PTPRO: variants seen among roughly 807,000 people sequenced by gnomAD.
PTPRO encodes the protein receptor-type tyrosine-protein phosphatase O.
A neutral mutation model predicts 145.2 loss-of-function variants in PTPRO; 62 were observed. That is an observed-to-expected ratio of 0.43 (90% confidence interval 0.35 to 0.53). PTPRO has a LOEUF of 0.53. PTPRO is among the 20% of genes least tolerant of loss of function. The pLI is 0.01. For missense variants in PTPRO, 1,345 were observed against 1,482.7 expected (o/e 0.91, Z 1.53); for synonymous variants, 565 against 514.7 (o/e 1.10, Z -1.32).
At position 15,546,549 on chromosome 12, in the gene PTPRO, A is replaced by G. The variant is rs764863227; in HGVS notation, c.2165-20A>G. ...ACACTTAGTAAATTAAATTTTTTTT[A>G]AAACTTTGTCTTTGCTCAGAACCAG... is the stretch of plus-strand genomic sequence containing the variant. On this transcript the variant is annotated intron_variant, in intron 12 of 26. Coordinates refer to ENST00000281171, the MANE Select transcript of PTPRO (RefSeq NM_030667.3). 1 of 1,564,494 alleles carries G rather than the reference A, an allele frequency of 6.4e-7. No individual in the cohort carries two copies. The highest frequency in any genetic ancestry group is 8.7e-7 in the Non-Finnish European group (1 of 1,153,214).
chr12:15,322,536 C>A lies in PTPRO; in HGVS notation c.-191C>A, dbSNP rs558772504. 3.6e-4 allele frequency: 237 copies of A among 652,894 alleles called. 2 individuals are homozygous for A. The African/African-American group carries it at 4.0e-3, about 11-fold the overall frequency. The allele number at this position is 652,894 out of a possible 1,614,324, so 40.4% of individuals were successfully genotyped here. ...CATTAAAGAACAGCAGCGCCTGGCA[C>A]GTTCTTGGAGGACCCCGGGCGCAGA... On this transcript the variant is annotated 5_prime_UTR_variant, in exon 1 of 27. Transcript: ENST00000281171. This position sits in a 1 kb window ranked among gnomAD's most constrained non-coding sequence, Gnocchi z 6.3.
chr12:15,590,961 A>T lies in PTPRO; in HGVS notation c.3546+1371A>T, dbSNP rs560331386. Among the ~76,000 whole-genome samples, 73 of 152,336 alleles carry T rather than the reference A, an allele frequency of 4.8e-4. 1 individual carries two copies. Among genetic ancestry groups the T allele is most frequent in the African/African-American group, 1.7e-3 (70 of 41,566 alleles). On this transcript the variant is annotated intron_variant, in intron 25 of 26. Coordinates refer to ENST00000281171, the MANE Select transcript of PTPRO (RefSeq NM_030667.3). The stretch of plus-strand genomic sequence containing the variant: ...ATTTGCACCTTGATATGTGATTAAA[A>T]ATCCACGTTATGTATATGAATCACC...
At chr12:15,581,301 T>TC (rs1234444288) in intron 22 of PTPRO, among the ~76,000 whole-genome samples, 13 of 91,202 alleles carry the variant, frequency 1.4e-4, no homozygotes, top group East Asian at 4.0e-4. Context: ...GTGCTTTCTT[T>TC]TTTTTTTTTT....
intron 1 of PTPRO, among the ~76,000 whole-genome samples, chr12:15,408,425 G>A (rs924611372): frequency 2.0e-5 from 3 of 151,178 alleles, no homozygotes; most frequent in Non-Finnish European, 4.4e-5. Context: ...TTTTGTTTTC[G>A]TTGTTGTTGT....
chr12:15,349,424 G>C (rs889907822), intron 1 of PTPRO, among the ~76,000 whole-genome samples: 1 of 152,218 alleles, frequency 6.6e-6, no homozygotes, highest in Non-Finnish European at 1.5e-5. Flanking sequence ...GTTTGCTCCA[G>C]CTGCAAATGG....
chr12:15,583,088 T>G (rs1045601660), intron 23 of PTPRO, among the ~76,000 whole-genome samples: 1 of 152,210 alleles, frequency 6.6e-6, no homozygotes, highest in Non-Finnish European at 1.5e-5. Context: ...TCCTTTCTAA[T>G]AGTTAAGGAA....
chr12:15,459,358 G>T (rs1591830164), intron 1 of PTPRO, among the ~76,000 whole-genome samples: 1 of 152,178 alleles, frequency 6.6e-6, no homozygotes, highest in Non-Finnish European at 1.5e-5. Flanking sequence ...TCTGAGACAG[G>T]TGAGACAGAA....
intron 14 of PTPRO, among the ~76,000 whole-genome samples, chr12:15,550,905 T>C (rs1374568545): frequency 6.6e-6 from 1 of 152,202 alleles, no homozygotes; most frequent in African/African-American, 2.4e-5. Context: ...AGGAGACAAG[T>C]CTTTATATAG....
At position 15,358,652 on chromosome 12, in the gene PTPRO, A is replaced by C. The variant is rs189387297; in HGVS notation, c.75+35851A>C. The stretch of plus-strand genomic sequence containing the variant: ...TGTTACATGAAGTGTCCAAGATCTC[A>C]CAGTAGCTTAAGCAAAGATAGAAGA... On this transcript the variant is annotated intron_variant, in intron 1 of 26. Coordinates refer to ENST00000281171, the MANE Select transcript of PTPRO (RefSeq NM_030667.3). Among the ~76,000 whole-genome samples, 800 of 152,340 alleles carry C rather than the reference A, an allele frequency of 5.3e-3. 6 individuals are homozygous for C. The highest frequency in any genetic ancestry group is 7.0e-3 in the Non-Finnish European group (474 of 68,026).
intron 1 of PTPRO, among the ~76,000 whole-genome samples, chr12:15,464,713 T>A (rs920705375): frequency 6.6e-6 from 1 of 152,036 alleles, no homozygotes; most frequent in African/African-American, 2.4e-5. Context: ...ATAGAGATAT[T>A]TTGTTTGTTG....
chr12:15,439,568 C>T (rs778726207), intron 1 of PTPRO: 13 of 270,662 alleles, frequency 4.8e-5, no homozygotes, highest in Admixed American at 9.1e-5. Flanking sequence ...CCGGAGGACT[C>T]GGGGGCCCTG....
rs750040624 is a variant in PTPRO, at chr12:15,508,749, A to G, written c.1446A>G (p.Glu482=). Residue 482 remains glutamate, a synonymous_variant, in exon 7 of 27, where the codon GAA becomes GAG. Transcript: ENST00000281171. ...CQKQKESQRL[E]KQYCTQVNSS... is the part of the protein sequence containing the mutation. ...AACAAAAGGAGAGCCAGAGGCTTGA[A>G]AAGCAGTACTGCACTCAGGTAAAGG... The G allele has an allele frequency of 6.2e-7, 1 of 1,614,084 alleles. No individual in the cohort carries two copies. The highest frequency in any genetic ancestry group is 2.2e-5 in the East Asian group (1 of 44,838).
At chr12:15,452,325 C>T (rs532658010) in intron 1 of PTPRO, among the ~76,000 whole-genome samples, 103 of 152,052 alleles carry the variant, frequency 6.8e-4, no homozygotes, top group Non-Finnish European at 1.3e-3. Context: ...AGGCCAATAA[C>T]GAGCAGTGAG....
At chr12:15,384,184 G>A (rs991474149) in intron 1 of PTPRO, among the ~76,000 whole-genome samples, 2 of 152,140 alleles carry the variant, frequency 1.3e-5, no homozygotes, top group East Asian at 1.9e-4. Context: ...CCAAGGGGGA[G>A]GAGGTCCATT....
At chr12:15,513,640 A>C (rs1197685636) in intron 7 of PTPRO, among the ~76,000 whole-genome samples, 1 of 152,216 alleles carries the variant, frequency 6.6e-6, no homozygotes, top group Non-Finnish European at 1.5e-5. Flanking sequence ...TTAAAATCTT[A>C]ATGGGACTCT....
intron 1 of PTPRO, among the ~76,000 whole-genome samples, chr12:15,461,721 C>T (rs1206607575): frequency 6.6e-6 from 1 of 151,878 alleles, no homozygotes; most frequent in Non-Finnish European, 1.5e-5. Flanking sequence ...GTGTGCGCCA[C>T]CACATCTGGC....
At chr12:15,564,720 G>A (rs1943855371) in intron 17 of PTPRO, among the ~76,000 whole-genome samples, 1 of 152,166 alleles carries the variant, frequency 6.6e-6, no homozygotes. Flanking sequence ...GAAAAGTTGG[G>A]TGCTTCTATC....
intron 1 of PTPRO, among the ~76,000 whole-genome samples, chr12:15,416,241 G>C (rs1036936867): frequency 2.6e-5 from 4 of 151,498 alleles, no homozygotes; most frequent in Admixed American, 2.0e-4. Flanking sequence ...AATGAATCAT[G>C]AGTTTCAAGC....
intron 10 of PTPRO, among the ~76,000 whole-genome samples, chr12:15,521,518 G>C (rs914024584): frequency 6.6e-6 from 1 of 152,118 alleles, no homozygotes; most frequent in African/African-American, 2.4e-5. Context: ...AACTTTCTGA[G>C]AATGCTCTTT....
Sources: gnomAD v4.1 joint callset for allele counts (sites outside exome capture counted in the v4.1 genomes callset) on GRCh38, gnomAD v4.1.1 for gene constraint, Gnocchi (gnomAD v3.1) non-coding constraint, MANE v1.5 for transcripts, NCBI Gene and HGNC (gene_info 2026-07-23, HGNC 2026-07-21) for gene names.